The following SLC24A3 variants were observed in gnomAD, a reference collection of about 807,000 sequenced individuals.
SLC24A3 encodes sodium/potassium/calcium exchanger 3.
SLC24A3 carries 28 observed loss-of-function variants against 75.8 expected under a neutral mutation model. That is an observed-to-expected ratio of 0.37 (90% CI 0.27 to 0.51). The LOEUF (loss-of-function observed/expected upper bound fraction) is 0.51, where lower values mean the gene tolerates loss of function less well. Ranked by LOEUF, SLC24A3 falls within the 20% of genes least tolerant of loss-of-function variation. The pLI is 0.94. For synonymous variants in SLC24A3, 372 were observed against 334.1 expected (o/e 1.11, Z -1.24); for missense variants, 663 against 847.8 (o/e 0.78, Z 2.71).
chr20:19,389,507 G>GT (rs1215894692), intron 2 of SLC24A3, among the ~76,000 whole-genome samples: 6 of 151,144 alleles, frequency 4.0e-5, no homozygotes, highest in African/African-American at 1.5e-4. Context: ...GGTTAGCAGG[G>GT]TTTTGTTTTT....
At chr20:19,516,021 G>T (rs2029980014) in intron 3 of SLC24A3, among the ~76,000 whole-genome samples, 1 of 152,206 alleles carries the variant, frequency 6.6e-6, no homozygotes, top group African/African-American at 2.4e-5. Flanking sequence ...ACAGGGACTT[G>T]GTTTTGTACA....
chr20:19,667,170 T>C (rs2032408425), intron 8 of SLC24A3, among the ~76,000 whole-genome samples: 1 of 152,176 alleles, frequency 6.6e-6, no homozygotes, highest in South Asian at 2.1e-4. Context: ...ACCCATCACA[T>C]TGATGATAAA....
chr20:19,519,606 A>C (rs1176100397), intron 3 of SLC24A3, among the ~76,000 whole-genome samples: 1 of 152,232 alleles, frequency 6.6e-6, no homozygotes, highest in African/African-American at 2.4e-5. Context: ...CCAAGAAAAC[A>C]CTTGTCTTAG....
intron 15 of SLC24A3, among the ~76,000 whole-genome samples, chr20:19,707,827 A>G (rs1030425002): frequency 4.6e-5 from 7 of 152,214 alleles, no homozygotes; most frequent in Admixed American, 1.3e-4. Flanking sequence ...TAGGACAAAT[A>G]AAGTTTGATA....
intron 3 of SLC24A3, among the ~76,000 whole-genome samples, chr20:19,548,919 C>A (rs1226945134): frequency 1.3e-5 from 2 of 152,332 alleles, no homozygotes; most frequent in East Asian, 3.9e-4. Flanking sequence ...CTTCCTCACA[C>A]AAATATTCCA....
intron 3 of SLC24A3, among the ~76,000 whole-genome samples, chr20:19,542,020 A>C (rs2030506998): frequency 6.6e-6 from 1 of 152,176 alleles, no homozygotes; most frequent in Non-Finnish European, 1.5e-5. Context: ...AATCCAAGAT[A>C]TCTCACTCCA....
At chr20:19,359,912 C>A (rs1326585915) in intron 2 of SLC24A3, among the ~76,000 whole-genome samples, 3 of 152,034 alleles carry the variant, frequency 2.0e-5, no homozygotes, top group African/African-American at 7.2e-5. Context: ...TGTTGAGGCA[C>A]TAATAGGTGA....
At chr20:19,268,055 G>A (rs1252580914) in intron 1 of SLC24A3, among the ~76,000 whole-genome samples, 1 of 152,018 alleles carries the variant, frequency 6.6e-6, no homozygotes, top group Non-Finnish European at 1.5e-5. Context: ...TCAAAATATT[G>A]TAATATTTTA....
chr20:19,657,752 A>G (rs2032281636), intron 7 of SLC24A3, among the ~76,000 whole-genome samples: 2 of 151,732 alleles, frequency 1.3e-5, no homozygotes, highest in African/African-American at 4.8e-5. Context: ...TATCTATTCC[A>G]TGCCCCCAGC....
chr20:19,678,941 G>T (rs1238546124), intron 9 of SLC24A3, among the ~76,000 whole-genome samples: 1 of 151,034 alleles, frequency 6.6e-6, no homozygotes, highest in African/African-American at 2.4e-5. Flanking sequence ...CATCTCAGAC[G>T]ATGGGAGGCC....
At chr20:19,659,697 C>G (rs533560275) in intron 7 of SLC24A3, among the ~76,000 whole-genome samples, 3 of 152,120 alleles carry the variant, frequency 2.0e-5, no homozygotes. Context: ...ACCGGTAATA[C>G]CTCGAGTTTG....
At chr20:19,335,124 A>C (rs1985100091) in intron 2 of SLC24A3, among the ~76,000 whole-genome samples, 2 of 152,218 alleles carry the variant, frequency 1.3e-5, no homozygotes, top group Non-Finnish European at 2.9e-5. Context: ...ATTTTAGTTT[A>C]ATTTTAAATA....
At chr20:19,475,737 C>T (rs1244876267) in intron 2 of SLC24A3, among the ~76,000 whole-genome samples, 2 of 152,080 alleles carry the variant, frequency 1.3e-5, no homozygotes, top group African/African-American at 2.4e-5. Flanking sequence ...AGGATGGAAA[C>T]TTATTTTTAA....
intron 3 of SLC24A3, among the ~76,000 whole-genome samples, chr20:19,533,706 G>C (rs1600269576): frequency 6.6e-6 from 1 of 152,160 alleles, no homozygotes; most frequent in South Asian, 2.1e-4. Flanking sequence ...GATCTTTGAG[G>C]GTCTCCAGTG....
rs181703081 is a variant in SLC24A3, at chr20:19,680,587, G to A, written c.768-1271G>A. ...TAGTGGTGTTCTAATTCTACGCTTCGTGTCTTATGAACTACAAATGACACC... is the reference window on the plus strand; with the variant it reads ...TAGTGGTGTTCTAATTCTACGCTTCATGTCTTATGAACTACAAATGACACC... On this transcript the variant is annotated intron_variant, in intron 9 of 16. Transcript: ENST00000328041. Among the ~76,000 whole-genome samples, 149 of 152,286 alleles carry A rather than the reference G, an allele frequency of 9.8e-4. 1 individual carries two copies. The highest frequency in any genetic ancestry group is 3.2e-3 in the African/African-American group (133 of 41,556).
In SLC24A3 at chr20:19,447,285, A is replaced by G. The variant is rs117735963; in HGVS notation, c.272-68203A>G. Among the ~76,000 whole-genome samples the G allele has an allele frequency of 7.9e-5, 12 of 152,292 alleles. No individual in the cohort carries two copies. In the East Asian group the frequency reaches 2.1e-3, roughly 27 times the overall value. Reference sequence around the variant, plus strand: ...AGTTCTCAATGCCCTCCTCTGGCAAACGGGGAAGGGAGCAGGCTCAGTGGT... The same window carrying G: ...AGTTCTCAATGCCCTCCTCTGGCAAGCGGGGAAGGGAGCAGGCTCAGTGGT... On this transcript the variant is annotated intron_variant, in intron 2 of 16. Coordinates refer to ENST00000328041, the MANE Select transcript of SLC24A3 (RefSeq NM_020689.4).
intron 6 of SLC24A3, among the ~76,000 whole-genome samples, chr20:19,594,714 G>A (rs1361669243): frequency 6.6e-6 from 1 of 152,142 alleles, no homozygotes; most frequent in Non-Finnish European, 1.5e-5. Context: ...ATGGATGGAT[G>A]GATAGATGGA....
intron 15 of SLC24A3, among the ~76,000 whole-genome samples, chr20:19,713,597 G>A (rs1163202340): frequency 6.6e-6 from 1 of 151,810 alleles, no homozygotes; most frequent in African/African-American, 2.4e-5. Flanking sequence ...CCAGGTGGAG[G>A]GTAAAGTCAG....
intron 13 of SLC24A3, chr20:19,693,715 C>T (rs1235670802): frequency 3.2e-6 from 1 of 316,732 alleles, no homozygotes; most frequent in Non-Finnish European, 5.8e-6. Context: ...GGGTCCATGT[C>T]TACTCCACGT....
Sources: gnomAD v4.1 joint callset for allele counts (sites outside exome capture counted in the v4.1 genomes callset) on GRCh38, gnomAD v4.1.1 for gene constraint, MANE v1.5 for transcripts, NCBI Gene and HGNC (gene_info 2026-07-23, HGNC 2026-07-21) for gene names.